ASIP: variants seen among roughly 807,000 people sequenced by gnomAD.
ASIP encodes agouti signaling protein, also known as agouti-signaling protein.
Under a neutral mutation model 10.3 loss-of-function variants are expected in ASIP, and 11 were observed. The ratio of observed to expected loss-of-function variants is 1.07; its 90% confidence interval spans 0.68 to 1.78. The LOEUF (loss-of-function observed/expected upper bound fraction) is 1.78, where lower values mean the gene tolerates loss of function less well. Ranked by LOEUF, ASIP falls within the 40% of genes most tolerant of loss-of-function variation. The pLI is 0.00. For synonymous variants in ASIP, 70 were observed against 70.8 expected, an observed-to-expected ratio of 0.99 and a Z score of 0.06; for missense variants, 180 against 169.2, an observed-to-expected ratio of 1.06 and a Z score of -0.35.
In ASIP at chr20:34,215,413, T is replaced by G. The variant is rs1243934662; in HGVS notation, c.-11+20653T>G. 55 of 1,541,986 alleles carry G rather than the reference T, an allele frequency of 3.6e-5. 1 individual carries two copies. The South Asian group carries it at 5.9e-4, about 17-fold the overall frequency. On this transcript the variant is annotated intron_variant, in intron 1 of 3. Transcript: ENST00000568305. Reference sequence around the variant, plus strand: ...ATTCCTGTGAGCCTCCTCTGATGTATGCACCACATCACGATCCACCAACTC... The same window carrying G: ...ATTCCTGTGAGCCTCCTCTGATGTAGGCACCACATCACGATCCACCAACTC...
intron 1 of ASIP, among the ~76,000 whole-genome samples, chr20:34,222,444 C>A (rs1013715474): frequency 2.0e-5 from 3 of 152,016 alleles, no homozygotes; most frequent in African/African-American, 7.2e-5. Context: ...GCTTCGAGGG[C>A]CGTATTGAGC....
intron 1 of ASIP, among the ~76,000 whole-genome samples, chr20:34,197,841 G>A (rs993739294): frequency 2.6e-4 from 40 of 152,096 alleles, no homozygotes; most frequent in Admixed American, 2.0e-4. Flanking sequence ...TTGCATCTGC[G>A]TATAACTACC....
rs187549327 is a variant in ASIP at position 34,226,054 on chromosome 20, C to A, written c.-11+31294C>A. On this transcript the variant is annotated intron_variant, in intron 1 of 3. Transcript: ENST00000568305. ...GATTACAGGCATGTGCCACCACACC[C>A]GGCTAATTTTTGTATTTTTAGTAGA... is the stretch of plus-strand genomic sequence containing the variant. Among the ~76,000 whole-genome samples, 6 of 151,898 alleles carry A rather than the reference C, an allele frequency of 4.0e-5. No individual in the cohort carries two copies. In the South Asian group the frequency reaches 6.3e-4, roughly 16 times the overall value.
At chr20:34,235,983 GGAAA>G (rs2035200420) in intron 1 of ASIP, among the ~76,000 whole-genome samples, 2 of 101,482 alleles carry the variant, frequency 2.0e-5, no homozygotes, top group Admixed American at 1.8e-4. Flanking sequence ...GAGGGAAGAA[GGAAA>G]GAAGGAAGGA....
intron 1 of ASIP, among the ~76,000 whole-genome samples, chr20:34,248,957 A>G (rs989877115): frequency 2.8e-5 from 4 of 144,956 alleles, no homozygotes; most frequent in Admixed American, 1.4e-4. Flanking sequence ...ATCTCTACCA[A>G]AAATACAAAA....
chr20:34,257,070 C>CTTTTTTTTTTTTT (rs56227909), intron 1 of ASIP, among the ~76,000 whole-genome samples: 6 of 139,406 alleles, frequency 4.3e-5, no homozygotes, highest in African/African-American at 7.9e-5. Context: ...CTTTCTTTCT[C>CTTTTTTTTTTTTT]TTTTTTTTTT....
At chr20:34,259,798 G>A (rs1351860660) in intron 1 of ASIP, among the ~76,000 whole-genome samples, 1 of 151,854 alleles carries the variant, frequency 6.6e-6, no homozygotes, top group East Asian at 1.9e-4. Context: ...TAAATCCAGG[G>A]GGCCTATGTC....
In ASIP at chr20:34,200,974, TTCCTTCCTTCCTTCCTTCC is replaced by T. The variant is rs2034889909; in HGVS notation, c.-11+6216_-11+6234del. Among the ~76,000 whole-genome samples the T allele has an allele frequency of 7.4e-3, 482 of 65,376 alleles. 34 individuals carry two copies. The highest frequency in any genetic ancestry group is 0.021 in the African/African-American group (261 of 12,236). 42.9% of individuals were successfully genotyped at this position (65,376 alleles called of 152,430 possible). ...TTTCTTTCTTTCTTTCTTTCTTTCCTTCCTTCCTTCCTTCCTTCCTTCCTTCCTTCCTTCCTTCCTTCCT... is the reference window on the plus strand; with the variant it reads ...TTTCTTTCTTTCTTTCTTTCTTTCCTTTCCTTCCTTCCTTCCTTCCTTCCT... On this transcript the variant is annotated intron_variant, in intron 1 of 3. Transcript: ENST00000568305.
chr20:34,198,839 G>A (rs1379909348), intron 1 of ASIP, among the ~76,000 whole-genome samples: 2 of 152,098 alleles, frequency 1.3e-5, no homozygotes, highest in African/African-American at 2.4e-5. Context: ...TGTTCATATC[G>A]ATGAATTTTC....
At chr20:34,201,017 C>CTTTCTTTCTTTCTTTCTTTTTCTTTCT (rs2034892333) in intron 1 of ASIP, among the ~76,000 whole-genome samples, 3 of 63,418 alleles carry the variant, frequency 4.7e-5, no homozygotes, top group African/African-American at 2.1e-4. Flanking sequence ...TCCTTCCTTC[C>CTTTCTTTCTTTCTTTCTTTTTCTTTCT]TTCTTTCTTT....
intron 1 of ASIP, among the ~76,000 whole-genome samples, chr20:34,195,318 C>T (rs1000442833): frequency 3.3e-5 from 5 of 152,022 alleles, no homozygotes; most frequent in African/African-American, 1.2e-4. Context: ...GCCCTGGAAG[C>T]GTTTGGTTGG....
At chr20:34,196,173 CTTTT>C (rs34524786) in intron 1 of ASIP, among the ~76,000 whole-genome samples, 4 of 83,704 alleles carry the variant, frequency 4.8e-5, no homozygotes, top group African/African-American at 9.8e-5. Flanking sequence ...AGGGAGATTT[CTTTT>C]TTTTTTTTTT....
intron 1 of ASIP, among the ~76,000 whole-genome samples, chr20:34,201,009 CTTCCTTCCTTCTTTCT>C (rs1345168530): frequency 1.2e-4 from 7 of 59,992 alleles, no homozygotes; most frequent in African/African-American, 4.3e-4. Flanking sequence ...TCCTTCCTTC[CTTCCTTCCTTCTTTCT>C]TTCTTTCTTT....
chr20:34,223,513 C>T (rs1189396170), intron 1 of ASIP, among the ~76,000 whole-genome samples: 4 of 149,742 alleles, frequency 2.7e-5, no homozygotes, highest in African/African-American at 7.6e-5. Flanking sequence ...TCAGCCCCCC[C>T]GCCCGGCCAG....
At chr20:34,214,694 C>T in intron 1 of ASIP, 1 of 1,098,184 alleles carries the variant, frequency 9.1e-7, no homozygotes, top group African/African-American at 1.5e-5. Context: ...CCCTCATTTT[C>T]AAAGTTATAT....
intron 3 of ASIP, among the ~76,000 whole-genome samples, chr20:34,263,570 C>T (rs1211023995): frequency 6.6e-6 from 1 of 151,500 alleles, no homozygotes; most frequent in East Asian, 1.9e-4. Context: ...AAAACAACAA[C>T]AACAAAAAAT....
At chr20:34,211,590 G>A (rs1227596651) in intron 1 of ASIP, among the ~76,000 whole-genome samples, 1 of 152,088 alleles carries the variant, frequency 6.6e-6, no homozygotes, top group African/African-American at 2.4e-5. Context: ...GGGTCTACGG[G>A]TGACAAATTT....
At chr20:34,238,435 G>T (rs550556419), upstream of ASIP, among the ~76,000 whole-genome samples, 1 of 152,136 alleles carries the variant, frequency 6.6e-6, no homozygotes, top group Admixed American at 6.5e-5. Context: ...ATCTGCCTTT[G>T]AATCCCTCTA....
chr20:34,233,102 C>CAT (rs1415133914), intron 1 of ASIP, among the ~76,000 whole-genome samples: 5 of 146,928 alleles, frequency 3.4e-5, no homozygotes, highest in African/African-American at 1.3e-4. Flanking sequence ...CTCACACCAA[C>CAT]ATTTTTCATC....
Sources: allele counts gnomAD v4.1 joint callset (sites outside exome capture counted in the v4.1 genomes callset), GRCh38; gene constraint gnomAD v4.1.1; transcripts MANE v1.5; gene names NCBI Gene and HGNC (gene_info 2026-07-23, HGNC 2026-07-21).